The following PTPRD variants were observed in gnomAD, a reference collection of about 807,000 sequenced individuals.
PTPRD encodes protein tyrosine phosphatase receptor type D, also known as receptor-type tyrosine-protein phosphatase delta.
PTPRD carries 34 observed loss-of-function variants against 214.5 expected under a neutral mutation model. The observed-to-expected ratio is 0.16, with a 90% CI of 0.12 to 0.21. PTPRD has a LOEUF of 0.21. Among genes scored for constraint, PTPRD ranks in the 10% least tolerant of loss-of-function variants. The pLI is 1.00. For synonymous variants in PTPRD, 1,128 were observed against 845.7 expected (o/e 1.33, Z -5.79); for missense variants, 2,545 against 2,398.7 (o/e 1.06, Z -1.27).
intron 3 of PTPRD, among the ~76,000 whole-genome samples, chr9:10,106,986 T>G (rs1046696069): frequency 6.6e-6 from 1 of 151,786 alleles, no homozygotes; most frequent in African/African-American, 2.4e-5. Context: ...GGATGAGATA[T>G]TAACAAGCTG....
At chr9:8,473,421 C>A (rs1479917303) in intron 30 of PTPRD, among the ~76,000 whole-genome samples, 1 of 152,092 alleles carries the variant, frequency 6.6e-6, no homozygotes, top group Non-Finnish European at 1.5e-5. Flanking sequence ...GTTAAATGAG[C>A]ATGGAGGAGA....
chr9:9,480,457 C>T (rs79221345), intron 8 of PTPRD, among the ~76,000 whole-genome samples: 1 of 152,134 alleles, frequency 6.6e-6, no homozygotes, highest in East Asian at 1.9e-4. Flanking sequence ...AAAGCTTATA[C>T]ATTCAAGAAG....
intron 2 of PTPRD, among the ~76,000 whole-genome samples, chr9:10,530,826 A>C (rs2056031833): frequency 6.6e-6 from 1 of 152,212 alleles, no homozygotes; most frequent in Non-Finnish European, 1.5e-5. Flanking sequence ...AAACAGGAGA[A>C]TAGTGAAAGT....
chr9:10,113,667 A>G (rs937125774), intron 3 of PTPRD, among the ~76,000 whole-genome samples: 1 of 152,204 alleles, frequency 6.6e-6, no homozygotes, highest in African/African-American at 2.4e-5. Context: ...GAACATTTTT[A>G]TTATCAGTTA....
intron 9 of PTPRD, among the ~76,000 whole-genome samples, chr9:9,270,421 T>TG (rs1287210240): frequency 2.0e-5 from 3 of 151,226 alleles, no homozygotes; most frequent in African/African-American, 7.3e-5. Context: ...AAGCCAATGT[T>TG]GGGAAAAAGG....
At chr9:9,281,127 T>C (rs1353067683) in intron 9 of PTPRD, among the ~76,000 whole-genome samples, 1 of 151,176 alleles carries the variant, frequency 6.6e-6, no homozygotes, top group South Asian at 2.1e-4. Context: ...AACATAGACC[T>C]AAAATTAAAA....
intron 11 of PTPRD, among the ~76,000 whole-genome samples, chr9:8,769,138 A>C (rs1163997524): frequency 6.6e-6 from 1 of 152,226 alleles, no homozygotes; most frequent in Non-Finnish European, 1.5e-5. Flanking sequence ...TATATATTTA[A>C]ATGTGCAGCA....
rs192844701 is a variant in PTPRD at position 8,810,583 on chromosome 9, G to A, written c.-103-76637C>T. Reference sequence around the variant, plus strand: ...TTCTCTTGATTGGGCTTGGGTTATCGAACACGCTCTAAAGGAACACACTCT... The same window carrying A: ...TTCTCTTGATTGGGCTTGGGTTATCAAACACGCTCTAAAGGAACACACTCT... On this transcript the variant is annotated intron_variant, in intron 11 of 45. Transcript: ENST00000381196. 3.8e-3 allele frequency among the ~76,000 whole-genome samples: 585 copies of A among 152,198 alleles called. 4 individuals carry two copies. Among genetic ancestry groups the A allele is most frequent in the African/African-American group, 0.013 (542 of 41,514 alleles).
At chr9:9,602,175 G>A (rs2093820318) in intron 7 of PTPRD, among the ~76,000 whole-genome samples, 1 of 151,852 alleles carries the variant, frequency 6.6e-6, no homozygotes, top group Admixed American at 6.6e-5. Context: ...CAATAATTGT[G>A]AAAACCAGAC....
At chr9:9,943,486 T>C (rs1307918391) in intron 4 of PTPRD, among the ~76,000 whole-genome samples, 3 of 152,196 alleles carry the variant, frequency 2.0e-5, no homozygotes, top group African/African-American at 7.2e-5. Context: ...TCAATTATGT[T>C]ATTGAACAAA....
Position 10,533,736 on chromosome 9 carries a change from C to T in PTPRD, c.-600+78662G>A, listed in dbSNP as rs184649368. Among the ~76,000 whole-genome samples, 257 of 151,752 alleles carry T rather than the reference C, an allele frequency of 1.7e-3. 1 individual carries two copies. Among genetic ancestry groups the T allele is most frequent in the African/African-American group, 6.0e-3 (248 of 41,440 alleles). On this transcript the variant is annotated intron_variant, in intron 2 of 45. Coordinates refer to ENST00000381196, the MANE Select transcript of PTPRD (RefSeq NM_002839.4). The stretch of plus-strand genomic sequence containing the variant: ...GGAATTAAGAGCTTTTTAAAATAAT[C>T]GACAGGCTAGTAAGAATATAATAAT...
intron 2 of PTPRD, among the ~76,000 whole-genome samples, chr9:10,457,548 T>A (rs2098927631): frequency 6.6e-6 from 1 of 152,170 alleles, no homozygotes; most frequent in Admixed American, 6.6e-5. Context: ...ACATTAAAAT[T>A]ATTTCCATTT....
intron 10 of PTPRD, among the ~76,000 whole-genome samples, chr9:9,044,777 C>T (rs967686474): frequency 6.6e-5 from 10 of 152,024 alleles, no homozygotes; most frequent in African/African-American, 2.4e-4. Flanking sequence ...TACCTTTTTT[C>T]CATTTATTTT....
At chr9:10,251,901 T>G (rs148958768) in intron 3 of PTPRD, among the ~76,000 whole-genome samples, 157 of 152,282 alleles carry the variant, frequency 1.0e-3, no homozygotes, top group African/African-American at 3.6e-3. Flanking sequence ...TTAGAATTTC[T>G]GGTGATCCAT....
Position 10,336,815 on chromosome 9 carries a change from AAAATACTACTAG to A in PTPRD, c.-545+4136_-545+4147del, listed in dbSNP as rs1169422169. On this transcript the variant is annotated intron_variant, in intron 3 of 45. Coordinates refer to ENST00000381196, the MANE Select transcript of PTPRD (RefSeq NM_002839.4). ...GTATTAGACCAGTAATGAAATCTGG[AAAATACTACTAG>A]AACTAGACTGTGAAGGAAAACTGGA... Among the ~76,000 whole-genome samples the A allele has an allele frequency of 2.0e-5, 3 of 151,736 alleles. 1 individual carries two copies. Among genetic ancestry groups the A allele is most frequent in the Non-Finnish European group, 4.4e-5 (3 of 67,782 alleles).
chr9:9,985,461 A>T (rs2095677017), intron 4 of PTPRD, among the ~76,000 whole-genome samples: 1 of 152,188 alleles, frequency 6.6e-6, no homozygotes, highest in Admixed American at 6.5e-5. Flanking sequence ...TGCTGGGGCC[A>T]TGCCATATAA....
chr9:8,815,009 T>TA (rs1306397622), intron 11 of PTPRD, among the ~76,000 whole-genome samples: 27 of 152,198 alleles, frequency 1.8e-4, no homozygotes, highest in Non-Finnish European at 3.8e-4. Flanking sequence ...TTCTCAACTA[T>TA]AGCCAAATCT....
At chr9:8,967,199 G>A (rs1279045118) in intron 11 of PTPRD, among the ~76,000 whole-genome samples, 2 of 152,012 alleles carry the variant, frequency 1.3e-5, no homozygotes, top group African/African-American at 4.8e-5. Context: ...ACTGTTGGTG[G>A]GAATGTAAAT....
intron 10 of PTPRD, among the ~76,000 whole-genome samples, chr9:9,041,263 A>C (rs2099638828): frequency 6.6e-6 from 1 of 152,112 alleles, no homozygotes; most frequent in Admixed American, 6.6e-5. Context: ...TTTGTTATGC[A>C]GGTAAACTTG....
Sources: gnomAD v4.1 joint callset for allele counts (sites outside exome capture counted in the v4.1 genomes callset) on GRCh38, gnomAD v4.1.1 for gene constraint, MANE v1.5 for transcripts, NCBI Gene and HGNC (gene_info 2026-07-23, HGNC 2026-07-21) for gene names.